KCNH7: variants seen among roughly 807,000 people sequenced by gnomAD.
KCNH7 encodes voltage-gated inwardly rectifying potassium channel KCNH7.
KCNH7 carries 49 observed loss-of-function variants against 120.8 expected under a neutral mutation model. The ratio of observed to expected loss-of-function variants is 0.41; its 90% CI spans 0.32 to 0.51. The LOEUF (loss-of-function observed/expected upper bound fraction) is 0.51, where lower values mean the gene tolerates loss of function less well. KCNH7 is among the 20% of genes least tolerant of loss of function. The probability of loss-of-function intolerance (pLI) is 0.38; values close to 1 mark genes in which losing one functional copy is unlikely to be tolerated. For synonymous variants in KCNH7, 547 were observed against 516.1 expected, an observed-to-expected ratio of 1.06 and a Z score of -0.81; for missense variants, 1,097 against 1,446.6, an observed-to-expected ratio of 0.76 and a Z score of 3.92.
rs1689261007 is a variant in KCNH7, at chr2:162,464,946, A to G, written c.1129-18503T>C. 2.6e-5 allele frequency among the ~76,000 whole-genome samples: 4 copies of G among 152,158 alleles called. No homozygotes were observed. In the South Asian group the frequency reaches 6.2e-4, roughly 24 times the overall value. On this transcript the variant is annotated intron_variant, in intron 6 of 15. Coordinates refer to ENST00000332142, the MANE Select transcript of KCNH7 (RefSeq NM_033272.4). ...AAATAAGGCATATTATAGGGTTGCC[A>G]ACTTTTTACTTAACCAATTATGAAT...
intron 2 of KCNH7, among the ~76,000 whole-genome samples, chr2:162,719,667 G>A (rs917101452): frequency 2.0e-5 from 3 of 151,966 alleles, no homozygotes; most frequent in African/African-American, 7.2e-5. Flanking sequence ...TTTTTAAATA[G>A]GAATATGTGG....
intron 2 of KCNH7, among the ~76,000 whole-genome samples, chr2:162,818,607 CT>C (rs1300209878): frequency 6.6e-6 from 1 of 151,992 alleles, no homozygotes; most frequent in African/African-American, 2.4e-5. Context: ...TTTTAGTCTG[CT>C]ATAATTTTGG....
At chr2:162,623,664 C>T (rs552089352) in intron 2 of KCNH7, among the ~76,000 whole-genome samples, 5 of 152,222 alleles carry the variant, frequency 3.3e-5, no homozygotes, top group East Asian at 1.9e-4. Context: ...GTACAAGTTA[C>T]GTAACCTTTC....
At chr2:162,788,548 T>C (rs895989873) in intron 2 of KCNH7, among the ~76,000 whole-genome samples, 1 of 151,314 alleles carries the variant, frequency 6.6e-6, no homozygotes, top group African/African-American at 2.4e-5. Flanking sequence ...CAAAGACAGG[T>C]CATTTGAAAT....
chr2:162,559,754 T>C (rs1692996206), intron 2 of KCNH7, among the ~76,000 whole-genome samples: 1 of 152,194 alleles, frequency 6.6e-6, no homozygotes, highest in South Asian at 2.1e-4. Context: ...TCCACAAAAA[T>C]GTGTCTGGAT....
At chr2:162,638,092 T>C (rs535558694) in intron 2 of KCNH7, among the ~76,000 whole-genome samples, 1 of 152,158 alleles carries the variant, frequency 6.6e-6, no homozygotes, top group African/African-American at 2.4e-5. Flanking sequence ...GGCTAGATTG[T>C]TTTTGACATT....
intron 2 of KCNH7, among the ~76,000 whole-genome samples, chr2:162,658,604 C>T (rs1022724028): frequency 5.3e-5 from 8 of 152,188 alleles, no homozygotes; most frequent in African/African-American, 1.9e-4. Flanking sequence ...TGTCTATGAA[C>T]ATGGGGTTTC....
chr2:162,836,898 C>T (rs1559156894), intron 1 of KCNH7, 131 bp from the exon 2 acceptor site: 1 of 591,936 alleles, frequency 1.7e-6, no homozygotes, highest in South Asian at 2.4e-5. Flanking sequence ...CTCTCCAGCC[C>T]TTATGAAAAA....
Position 162,435,180 on chromosome 2 carries a change from G to A in KCNH7, c.1954+18C>T. The A allele has an allele frequency of 2.5e-6, 4 of 1,599,458 alleles. No individual in the cohort carries two copies. Among genetic ancestry groups the A allele is most frequent in the Non-Finnish European group, 3.4e-6 (4 of 1,171,464 alleles). On this transcript the variant is annotated intron_variant, in intron 8 of 15. Transcript: ENST00000332142. ...TATTATTCTATCCTAATAGACAACA[G>A]AAGAGAAAGCTACTTACAGCCAATC... is the stretch of plus-strand genomic sequence containing the variant.
intron 2 of KCNH7, among the ~76,000 whole-genome samples, chr2:162,567,447 AC>A (rs1390061316): frequency 3.3e-5 from 5 of 151,898 alleles, no homozygotes; most frequent in Non-Finnish European, 7.4e-5. Context: ...GATTTTCTGT[AC>A]CCTTGCTAGG....
intron 2 of KCNH7, among the ~76,000 whole-genome samples, chr2:162,553,530 TC>T (rs1180006906): frequency 6.6e-6 from 1 of 152,058 alleles, no homozygotes; most frequent in African/African-American, 2.4e-5. Flanking sequence ...GCGCCTGTAG[TC>T]CCAGCTACTC....
At chr2:162,601,208 C>T (rs554533487) in intron 2 of KCNH7, among the ~76,000 whole-genome samples, 7 of 151,916 alleles carry the variant, frequency 4.6e-5, no homozygotes, top group Admixed American at 1.3e-4. Context: ...CTGAGGCCTA[C>T]GGGTGGTCAG....
rs139276129 is a variant in KCNH7 at position 162,831,433 on chromosome 2, G to A, written c.307+5104C>T. On this transcript the variant is annotated intron_variant, in intron 2 of 15. Transcript: ENST00000332142. ...TCAATGCTATTTGAGAAATATTTCT[G>A]ATGTAAAGATTGAAAGGATTTGGTG... is the stretch of plus-strand genomic sequence containing the variant. 5.7e-3 allele frequency among the ~76,000 whole-genome samples: 874 copies of A among 152,234 alleles called. 5 individuals carry two copies. The highest frequency in any genetic ancestry group is 8.3e-3 in the Non-Finnish European group (566 of 67,994).
chr2:162,560,032 C>T (rs753451623), intron 2 of KCNH7, among the ~76,000 whole-genome samples: 7 of 152,154 alleles, frequency 4.6e-5, no homozygotes, highest in Non-Finnish European at 8.8e-5. Context: ...ATAAACTTGA[C>T]CTATATGTTT....
At chr2:162,559,588 T>C (rs1357627226) in intron 2 of KCNH7, among the ~76,000 whole-genome samples, 1 of 152,224 alleles carries the variant, frequency 6.6e-6, no homozygotes, top group Non-Finnish European at 1.5e-5. Flanking sequence ...CATTTTATAT[T>C]ATCTCCAAGT....
chr2:162,713,770 CAG>C (rs1230710644), intron 2 of KCNH7, among the ~76,000 whole-genome samples: 5 of 151,972 alleles, frequency 3.3e-5, no homozygotes, highest in African/African-American at 1.2e-4. Flanking sequence ...TTTTTTCAAA[CAG>C]AGTTTTGCCC....
intron 2 of KCNH7, among the ~76,000 whole-genome samples, chr2:162,666,647 C>T (rs753299934): frequency 9.2e-5 from 14 of 152,154 alleles, no homozygotes; most frequent in Non-Finnish European, 1.6e-4. Context: ...CTTCCTGTCT[C>T]TACCCTTTCC....
chr2:162,696,416 C>T (rs13006255), intron 2 of KCNH7, among the ~76,000 whole-genome samples: 4,284 of 152,104 alleles, frequency 0.028, 86 homozygotes, highest in East Asian at 0.11. Flanking sequence ...CCGAGTCCTT[C>T]GAAACTAGAA....
intron 2 of KCNH7, among the ~76,000 whole-genome samples, chr2:162,659,743 GT>G (rs1177216515): frequency 1.3e-5 from 2 of 151,986 alleles, no homozygotes; most frequent in Non-Finnish European, 2.9e-5. Context: ...TTGGTCTCTA[GT>G]TTTTTTTCTT....
Sources: allele counts gnomAD v4.1 joint callset (sites outside exome capture counted in the v4.1 genomes callset), GRCh38; gene constraint gnomAD v4.1.1; transcripts MANE v1.5; gene names NCBI Gene and HGNC (gene_info 2026-07-23, HGNC 2026-07-21).